The following NFIX variants were observed in gnomAD, a reference collection of about 807,000 sequenced individuals.
The protein encoded by NFIX is nuclear factor 1 X-type.
A neutral mutation model predicts 53.3 loss-of-function variants in NFIX; 2 were observed. The observed-to-expected ratio is 0.04, with a 90% CI of 0.02 to 0.12. The LOEUF (loss-of-function observed/expected upper bound fraction) is 0.12, where lower values mean the gene tolerates loss of function less well. Among genes scored for constraint, NFIX ranks in the 10% least tolerant of loss-of-function variants. NFIX has a pLI of 1.00. For synonymous variants in NFIX, 244 were observed against 289.0 expected, an observed-to-expected ratio of 0.84 and a Z score of 1.58; for missense variants, 310 against 674.5, an observed-to-expected ratio of 0.46 and a Z score of 5.99.
At chr19:13,039,180 G>A (rs2014426478) in intron 2 of NFIX, among the ~76,000 whole-genome samples, 1 of 151,644 alleles carries the variant, frequency 6.6e-6, no homozygotes. Flanking sequence ...ACAAATCTCT[G>A]GGCATAGTTT....
intron 1 of NFIX, chr19:13,023,957 C>T (rs1200850541): frequency 3.0e-5 from 40 of 1,319,166 alleles, no homozygotes; most frequent in Admixed American, 1.4e-4. Flanking sequence ...TCCCCCCACC[C>T]GCCCCCAACT....
intron 2 of NFIX, chr19:13,069,981 A>C (rs1027302547): frequency 3.3e-5 from 5 of 152,304 alleles, no homozygotes; most frequent in African/African-American, 1.2e-4. Context: ...CAGGGAAGGC[A>C]GTCACGACAT....
chr19:13,077,780 C>A (rs1295595401), intron 6 of NFIX, among the ~76,000 whole-genome samples: 2 of 152,332 alleles, frequency 1.3e-5, no homozygotes, highest in Admixed American at 6.5e-5. Context: ...AAGAACCTGG[C>A]CCCCTGGGGG....
chr19:13,015,886 TG>T (rs2012639023), intron 1 of NFIX, among the ~76,000 whole-genome samples: 1 of 152,196 alleles, frequency 6.6e-6, no homozygotes, highest in Admixed American at 6.5e-5. Context: ...TGTGGTCACA[TG>T]AATAGCACAC....
intron 2 of NFIX, among the ~76,000 whole-genome samples, chr19:13,071,981 C>T (rs2016802651): frequency 6.6e-6 from 1 of 152,230 alleles, no homozygotes; most frequent in African/African-American, 2.4e-5. Context: ...TGGCGAGACC[C>T]AGGAGGCAGG....
At chr19:13,019,815 C>A (rs2012873370) in intron 1 of NFIX, among the ~76,000 whole-genome samples, 1 of 150,192 alleles carries the variant, frequency 6.7e-6, no homozygotes, top group Admixed American at 6.6e-5. Context: ...TCCCTTTCCA[C>A]AAACCAAAAA....
At chr19:13,035,418 C>A (rs2014116449) in intron 2 of NFIX, among the ~76,000 whole-genome samples, 2 of 152,284 alleles carry the variant, frequency 1.3e-5, no homozygotes, top group South Asian at 4.2e-4. Context: ...GCTGGGGCTG[C>A]TGATCTGGGG....
At chr19:13,069,969 G>T (rs961942817) in intron 2 of NFIX, 1 of 152,336 alleles carries the variant, frequency 6.6e-6, no homozygotes, top group Non-Finnish European at 1.5e-5. Flanking sequence ...GGGAAGCCCA[G>T]ACAGGGAAGG....
At position 13,075,386 on chromosome 19, in the gene NFIX, C is replaced by T. The variant is rs188524309; in HGVS notation, c.819-149C>T. 107 of 790,474 alleles carry T rather than the reference C, an allele frequency of 1.4e-4. 2 individuals carry two copies. In the Admixed American group the frequency reaches 2.2e-3, roughly 16 times the overall value. 49.0% of individuals were successfully genotyped at this position (790,474 alleles called of 1,614,324 possible). A position where few individuals can be genotyped will look rare whatever the true frequency, so the allele number is the denominator to read the frequency against. ...CTAGGGCTGATCTTGGGGTTGGGCA[C>T]GCAGTGAGTGCCCAGAAATGCTGCT... On this transcript the variant is annotated intron_variant, in intron 5 of 10. Coordinates refer to ENST00000592199, the MANE Select transcript of NFIX (RefSeq NM_001365902.3).
chr19:13,086,585 C>T (rs932761928), intron 8 of NFIX, among the ~76,000 whole-genome samples: 3 of 152,266 alleles, frequency 2.0e-5, no homozygotes, highest in East Asian at 1.9e-4. Context: ...CGCAGGATGT[C>T]GAGGAGCATC....
intron 1 of NFIX, chr19:13,023,938 C>CCCA: frequency 2.5e-6 from 1 of 392,694 alleles, no homozygotes; most frequent in Admixed American, 3.7e-5. Flanking sequence ...TGCTCCTCCT[C>CCCA]CTCCCCCCTC....
At chr19:13,050,767 ATTC>A (rs2145314878) in intron 2 of NFIX, among the ~76,000 whole-genome samples, 1 of 152,264 alleles carries the variant, frequency 6.6e-6, no homozygotes, top group Non-Finnish European at 1.5e-5. Context: ...CTCTAGAGTG[ATTC>A]TGAGGAAACC....
intron 1 of NFIX, among the ~76,000 whole-genome samples, chr19:13,016,314 G>C (rs987511150): frequency 4.6e-5 from 7 of 152,158 alleles, no homozygotes; most frequent in African/African-American, 1.7e-4. Flanking sequence ...TGATATAAAA[G>C]CTAGCAGGCA....
intron 2 of NFIX, among the ~76,000 whole-genome samples, chr19:13,047,999 C>T (rs1003087312): frequency 6.6e-6 from 1 of 152,200 alleles, no homozygotes; most frequent in Non-Finnish European, 1.5e-5. Flanking sequence ...ATCAGCAATG[C>T]CACTTATCAG....
chr19:13,050,040 A>T (rs2015234132), intron 2 of NFIX, among the ~76,000 whole-genome samples: 1 of 152,086 alleles, frequency 6.6e-6, no homozygotes. Flanking sequence ...ATTTATGTGG[A>T]TGTATGTTTT....
rs1305843462 is a variant in NFIX at position 13,067,873 on chromosome 19, A to C, written c.560-5174A>C. Among the ~76,000 whole-genome samples, 1 of 152,094 alleles carries C rather than the reference A, an allele frequency of 6.6e-6. No individual in the cohort carries two copies. Among genetic ancestry groups the C allele is most frequent in the African/African-American group, 2.4e-5 (1 of 41,410 alleles). On this transcript the variant is annotated intron_variant, in intron 2 of 10. Transcript: ENST00000592199. The surrounding 1 kb of genome is among the most constrained non-coding windows in gnomAD (Gnocchi z 4.2). ...GTAATCCCAGCACTTTGGGAGGCTG[A>C]GACGGGCGGATCACCAGGTCAGGAG...
At chr19:13,087,927 A>C (rs1341134806) in intron 8 of NFIX, 62 bp from the exon 9 acceptor site, 1 of 1,528,560 alleles carries the variant, frequency 6.5e-7, no homozygotes, top group East Asian at 2.5e-5. Context: ...GCGGCCGCGC[A>C]GGGGAGCGTG....
intron 2 of NFIX, among the ~76,000 whole-genome samples, chr19:13,069,123 G>A (rs1422060021): frequency 6.6e-6 from 1 of 152,224 alleles, no homozygotes; most frequent in Non-Finnish European, 1.5e-5. Context: ...AGTTGGTGTG[G>A]GGCGAGGGGA....
chr19:13,024,770 G>C, intron 1 of NFIX: 1 of 1,508,102 alleles, frequency 6.6e-7, no homozygotes, highest in Non-Finnish European at 8.9e-7. Flanking sequence ...AGAGGCTCCC[G>C]GTGCCTCTGT....
Sources: allele counts gnomAD v4.1 joint callset (sites outside exome capture counted in the v4.1 genomes callset), GRCh38; gene constraint gnomAD v4.1.1; non-coding constraint Gnocchi (gnomAD v3.1); transcripts MANE v1.5; gene names NCBI Gene and HGNC (gene_info 2026-07-23, HGNC 2026-07-21).